The following MGAT4A variants were observed in gnomAD, a reference collection of about 807,000 sequenced individuals.
The protein encoded by MGAT4A is N-acetylglucosaminyltransferase IVa.
A neutral mutation model predicts 74.1 loss-of-function variants in MGAT4A; 33 were observed. The observed-to-expected ratio is 0.45, with a 90% CI of 0.34 to 0.60. MGAT4A has a LOEUF of 0.60. Among genes scored for constraint, MGAT4A ranks in the 20% least tolerant of loss-of-function variants. The probability of loss-of-function intolerance (pLI) is 0.02; values close to 1 mark genes in which losing one functional copy is unlikely to be tolerated. For synonymous variants in MGAT4A, 198 were observed against 210.4 expected, an observed-to-expected ratio of 0.94 and a Z score of 0.51; for missense variants, 479 against 628.3, an observed-to-expected ratio of 0.76 and a Z score of 2.54.
chr2:98,729,299 C>T (rs1702809844), intron 1 of MGAT4A, among the ~76,000 whole-genome samples: 1 of 152,278 alleles, frequency 6.6e-6, no homozygotes, highest in East Asian at 1.9e-4. Context: ...TGTAGTCATA[C>T]ATTTTTAATT....
At chr2:98,707,193 G>A (rs1702451614) in intron 2 of MGAT4A, among the ~76,000 whole-genome samples, 1 of 152,144 alleles carries the variant, frequency 6.6e-6, no homozygotes, top group South Asian at 2.1e-4. Flanking sequence ...CAGCCTGGGT[G>A]ACAGAGAGAG....
chr2:98,688,484 T>G (rs575723083), intron 2 of MGAT4A, among the ~76,000 whole-genome samples: 3 of 152,312 alleles, frequency 2.0e-5, no homozygotes, highest in Non-Finnish European at 4.4e-5. Context: ...CAGGATTATG[T>G]TATATTACAC....
At chr2:98,665,552 A>G (rs1290685464) in intron 4 of MGAT4A, among the ~76,000 whole-genome samples, 2 of 152,186 alleles carry the variant, frequency 1.3e-5, no homozygotes, top group African/African-American at 4.8e-5. Flanking sequence ...AAAAAAAGAT[A>G]TTTGCTCTAT....
chr2:98,690,607 A>C (rs2104301929), intron 2 of MGAT4A, among the ~76,000 whole-genome samples: 1 of 152,336 alleles, frequency 6.6e-6, no homozygotes. Context: ...ACACAACTGA[A>C]AATCACTCAT....
At chr2:98,711,043 C>T (rs764025278) in intron 2 of MGAT4A, among the ~76,000 whole-genome samples, 1 of 151,902 alleles carries the variant, frequency 6.6e-6, no homozygotes, top group African/African-American at 2.4e-5. Context: ...CTAGACTAGA[C>T]CTCTTGTCTG....
chr2:98,689,637 C>T (rs1702169307), intron 2 of MGAT4A, among the ~76,000 whole-genome samples: 1 of 152,072 alleles, frequency 6.6e-6, no homozygotes, highest in African/African-American at 2.4e-5. Context: ...AGCCTCGGCA[C>T]CATGGGGAAA....
rs767201370 is a variant in MGAT4A, at chr2:98,640,122, G to A, written c.1127C>T (p.Thr376Met). 1.4e-5 allele frequency: 22 copies of A among 1,601,554 alleles called. No homozygotes were observed. The South Asian group carries it at 1.7e-4, about 12-fold the overall frequency. ...SSLSGKIQKL[T>M]DKDYMKPLLL... ...AGAAAATAAAATTAAGTCACCAACC[G>A]TGAGTTTTTGGATTTTTCCTGATAG... The change falls in exon 11 of 16, where the codon ACG becomes ATG. Residue 376 changes from threonine (T) to methionine (M), a missense_variant and splice_region_variant. Physicochemically the swap from Thr to Met is moderately conservative, Grantham distance 81. Around this residue, in one of 3 missense-constraint regions of MGAT4A, gnomAD observed 236 missense variants for 308.2 expected, o/e 0.77. Transcript: ENST00000393487.
At chr2:98,655,370 T>C (rs1344035938) in intron 8 of MGAT4A, 75 bp downstream of exon 8, 4 of 1,153,728 alleles carry the variant, frequency 3.5e-6, no homozygotes, top group Non-Finnish European at 3.7e-6. Context: ...CAAAACTTCC[T>C]GTTTTAATGA....
At position 98,623,906 on chromosome 2, in the gene MGAT4A, CT is replaced by C. The variant is rs1307941802; in HGVS notation, c.*1659del. The C allele has an allele frequency of 1.0e-6, 1 of 985,384 alleles. No homozygotes were observed. The allele number at this position is 985,384 out of a possible 1,614,324, so 61.0% of individuals were successfully genotyped here. On this transcript the variant is annotated 3_prime_UTR_variant, in exon 16 of 16. Transcript: ENST00000393487. ...CGCTAGGCCCCAGCCAGTGGTCACT[CT>C]GAAAGCTCAGCAGAATCCATCTCTG... is the stretch of plus-strand genomic sequence containing the variant.
intron 14 of MGAT4A, among the ~76,000 whole-genome samples, chr2:98,633,146 C>G (rs1455072172): frequency 6.6e-6 from 1 of 152,196 alleles, no homozygotes; most frequent in East Asian, 1.9e-4. Flanking sequence ...GTATTCTCAC[C>G]CTGCTGTGCC....
At chr2:98,659,199 C>T (rs765520272) in intron 5 of MGAT4A, among the ~76,000 whole-genome samples, 7 of 152,270 alleles carry the variant, frequency 4.6e-5, no homozygotes, top group Admixed American at 6.5e-5. Flanking sequence ...AAGAGGTAAA[C>T]GGAGTCTGTC....
At chr2:98,640,762 G>T (rs1701394964) in intron 10 of MGAT4A, among the ~76,000 whole-genome samples, 1 of 152,120 alleles carries the variant, frequency 6.6e-6, no homozygotes, top group South Asian at 2.1e-4. Context: ...AATAAGCATA[G>T]TTAAGGGAAG....
intron 2 of MGAT4A, among the ~76,000 whole-genome samples, chr2:98,687,343 G>A (rs1361341618): frequency 6.6e-6 from 1 of 152,138 alleles, no homozygotes; most frequent in Non-Finnish European, 1.5e-5. Flanking sequence ...AGTGTACTAT[G>A]TAGATAGTTC....
chr2:98,710,663 C>T (rs749779656), intron 2 of MGAT4A, among the ~76,000 whole-genome samples: 4 of 152,010 alleles, frequency 2.6e-5, no homozygotes, highest in African/African-American at 4.8e-5. Flanking sequence ...GGCGGGGAGG[C>T]GGACAGTTCA....
In MGAT4A at chr2:98,701,689, T is replaced by C. The variant is rs554541666; in HGVS notation, c.95-23218A>G. 5.3e-5 allele frequency among the ~76,000 whole-genome samples: 8 copies of C among 152,336 alleles called. No homozygotes were observed. In the South Asian group the frequency reaches 1.7e-3, roughly 32 times the overall value. ...GTGCAAGGTCTAAATCGGCAAACTT[T>C]AACATATCAGCAAGAAAGGCTGCTG... On this transcript the variant is annotated intron_variant, in intron 2 of 15. Coordinates refer to ENST00000393487, the MANE Select transcript of MGAT4A (RefSeq NM_012214.3).
chr2:98,682,870 G>A (rs2104294904), intron 2 of MGAT4A, among the ~76,000 whole-genome samples: 1 of 152,176 alleles, frequency 6.6e-6, no homozygotes, highest in South Asian at 2.1e-4. Context: ...TGGATCACAA[G>A]GTCAGGAGAT....
chr2:98,649,698 T>C (rs1701550668), intron 8 of MGAT4A, among the ~76,000 whole-genome samples: 1 of 151,896 alleles, frequency 6.6e-6, no homozygotes, highest in Non-Finnish European at 1.5e-5. Context: ...TCAACTTCAA[T>C]TAGGAGATTA....
At chr2:98,682,447 A>AAC (rs1270524994) in intron 2 of MGAT4A, among the ~76,000 whole-genome samples, 4 of 149,416 alleles carry the variant, frequency 2.7e-5, no homozygotes, top group Admixed American at 6.7e-5. Context: ...AAAAAAAAAA[A>AAC]CCACCACTTT....
rs1206522711 is a variant in MGAT4A, at chr2:98,624,747, G to C, written c.*819C>G. 6 of 983,490 alleles carry C rather than the reference G, an allele frequency of 6.1e-6. No homozygotes were observed. Among genetic ancestry groups the C allele is most frequent in the African/African-American group, 1.7e-5 (1 of 57,162 alleles). The allele number at this position is 983,490 out of a possible 1,614,324, so 60.9% of individuals were successfully genotyped here. ...AGTTAAGTCTACAATAATCTGGGTT[G>C]AATGCATCACACTTACACATTGAAA... On this transcript the variant is annotated 3_prime_UTR_variant, in exon 16 of 16. Coordinates refer to ENST00000393487, the MANE Select transcript of MGAT4A (RefSeq NM_012214.3).
Sources: gnomAD v4.1 joint callset for allele counts (sites outside exome capture counted in the v4.1 genomes callset) on GRCh38, gnomAD v4.1.1 for gene constraint, gnomAD v4.1.1 regional missense constraint, MANE v1.5 for transcripts, NCBI Gene and HGNC (gene_info 2026-07-23, HGNC 2026-07-21) for gene names.